The following PDZRN3 variants were observed in gnomAD, a reference collection of about 807,000 sequenced individuals.
The protein encoded by PDZRN3 is PDZ domain containing ring finger 3.
A neutral mutation model predicts 85.7 loss-of-function variants in PDZRN3; 38 were observed. That is an observed-to-expected ratio of 0.44 (90% CI 0.34 to 0.58). The LOEUF is 0.58. PDZRN3 is among the 20% of genes least tolerant of loss of function. The pLI, the probability that PDZRN3 is intolerant of heterozygous loss-of-function variation, is 0.01. For synonymous variants in PDZRN3, 759 were observed against 638.0 expected, an observed-to-expected ratio of 1.19 and a Z score of -2.86; for missense variants, 1,629 against 1,506.4, an observed-to-expected ratio of 1.08 and a Z score of -1.35.
At chr3:73,447,524 C>T (rs182322423) in intron 3 of PDZRN3, among the ~76,000 whole-genome samples, 40 of 152,284 alleles carry the variant, frequency 2.6e-4, no homozygotes, top group African/African-American at 8.9e-4. Flanking sequence ...TTGGTTTGCC[C>T]TCTGCAATCC....
intron 3 of PDZRN3, among the ~76,000 whole-genome samples, chr3:73,411,684 C>T (rs1323933336): frequency 6.6e-6 from 1 of 151,286 alleles, no homozygotes; most frequent in Admixed American, 6.6e-5. Flanking sequence ...TGCTGGGTGA[C>T]TCAGCTCCCT....
intron 3 of PDZRN3, among the ~76,000 whole-genome samples, chr3:73,494,027 A>C (rs1703824115): frequency 6.6e-6 from 1 of 152,246 alleles, no homozygotes; most frequent in South Asian, 2.1e-4. Flanking sequence ...GCTGAGTCTC[A>C]AGCTAGATAT....
intron 3 of PDZRN3, among the ~76,000 whole-genome samples, chr3:73,475,649 G>C (rs1010994074): frequency 2.6e-5 from 4 of 152,226 alleles, no homozygotes; most frequent in African/African-American, 9.6e-5. Flanking sequence ...AAAACACTCA[G>C]ATGGGTGATT....
At chr3:73,462,753 C>T (rs1703134406) in intron 3 of PDZRN3, among the ~76,000 whole-genome samples, 2 of 152,138 alleles carry the variant, frequency 1.3e-5, no homozygotes, top group South Asian at 2.1e-4. Flanking sequence ...CAACAGCCAT[C>T]GTTTAAGTGG....
At chr3:73,405,214 C>T (rs571936628) in intron 3 of PDZRN3, among the ~76,000 whole-genome samples, 29 of 152,318 alleles carry the variant, frequency 1.9e-4, no homozygotes, top group South Asian at 6.2e-4. Flanking sequence ...ACGTTGGACG[C>T]GGTGTCCAGG....
chr3:73,482,478 G>A (rs1703583780), intron 3 of PDZRN3, among the ~76,000 whole-genome samples: 1 of 152,154 alleles, frequency 6.6e-6, no homozygotes, highest in South Asian at 2.1e-4. Flanking sequence ...ATTCATCTAG[G>A]CGTCTCAGAA....
intron 3 of PDZRN3, among the ~76,000 whole-genome samples, chr3:73,480,038 A>C (rs988229333): frequency 6.6e-6 from 1 of 152,196 alleles, no homozygotes; most frequent in Admixed American, 6.5e-5. Context: ...CAATCCAATT[A>C]TGAAGAAGTT....
intron 3 of PDZRN3, among the ~76,000 whole-genome samples, chr3:73,540,102 A>C (rs993144791): frequency 1.3e-4 from 20 of 151,408 alleles, no homozygotes; most frequent in Admixed American, 1.1e-3. Context: ...AAAAAAAAAA[A>C]AAAAAAAAAC....
At chr3:73,527,893 G>T (rs992930863) in intron 3 of PDZRN3, among the ~76,000 whole-genome samples, 5 of 152,014 alleles carry the variant, frequency 3.3e-5, no homozygotes, top group Non-Finnish European at 7.4e-5. Context: ...CTATTTACTC[G>T]CATGAGGCAA....
intron 3 of PDZRN3, among the ~76,000 whole-genome samples, chr3:73,421,948 A>T (rs1702212852): frequency 6.6e-6 from 1 of 152,190 alleles, no homozygotes. Context: ...TGCCTGGTCA[A>T]GTACTTCCAT....
In PDZRN3 at chr3:73,569,576, A is replaced by G. The variant is rs974283638; in HGVS notation, c.918+32778T>C. 5 of 1,033,000 alleles carry G rather than the reference A, an allele frequency of 4.8e-6. No homozygotes were observed. The Admixed American group carries it at 2.6e-4, about 54-fold the overall frequency. The allele number at this position is 1,033,000 out of a possible 1,614,324, so 64.0% of individuals were successfully genotyped here. A position where few individuals can be genotyped will look rare whatever the true frequency, so the allele number is the denominator to read the frequency against. ...CACCCCCACACCCGCACACACATTG[A>G]CAGACACAGAGGACAGACAGCCCTG... is the stretch of plus-strand genomic sequence containing the variant. On this transcript the variant is annotated intron_variant, in intron 3 of 9. Transcript: ENST00000263666.
rs74950458 is a variant in PDZRN3, at chr3:73,477,948, A to G, written c.919-73553T>C. On this transcript the variant is annotated intron_variant, in intron 3 of 9. Coordinates refer to ENST00000263666, the MANE Select transcript of PDZRN3 (RefSeq NM_015009.3). ...GATCTTGTGAGACTTATTCATTATC[A>G]TGACAACAACATGGGGAAAACCTGC... Among the ~76,000 whole-genome samples, 339 of 152,310 alleles carry G rather than the reference A, an allele frequency of 2.2e-3. 1 individual carries two copies. Among genetic ancestry groups the G allele is most frequent in the African/African-American group, 7.7e-3 (322 of 41,572 alleles).
intron 3 of PDZRN3, among the ~76,000 whole-genome samples, chr3:73,575,261 C>T (rs1702105985): frequency 6.6e-6 from 1 of 152,048 alleles, no homozygotes; most frequent in Non-Finnish European, 1.5e-5. Flanking sequence ...TTTTGCAGTT[C>T]ACGTCGGTGC....
intron 3 of PDZRN3, among the ~76,000 whole-genome samples, chr3:73,554,685 A>G (rs961753409): frequency 2.6e-5 from 4 of 152,204 alleles, no homozygotes; most frequent in Non-Finnish European, 4.4e-5. Flanking sequence ...AAAAAAAATA[A>G]GCCAAATTCC....
intron 3 of PDZRN3, among the ~76,000 whole-genome samples, chr3:73,589,490 C>T (rs917649463): frequency 6.6e-6 from 1 of 152,064 alleles, no homozygotes; most frequent in Admixed American, 6.6e-5. Context: ...TGTCCTTTTC[C>T]CTCTGAATCA....
At chr3:73,495,550 T>C (rs1357550436) in intron 3 of PDZRN3, among the ~76,000 whole-genome samples, 1 of 152,258 alleles carries the variant, frequency 6.6e-6, no homozygotes, top group Non-Finnish European at 1.5e-5. Context: ...ATTTGTCTTA[T>C]TATTTTTAAT....
intron 3 of PDZRN3, among the ~76,000 whole-genome samples, chr3:73,522,066 T>C (rs1704380829): frequency 6.6e-6 from 1 of 152,252 alleles, no homozygotes; most frequent in Non-Finnish European, 1.5e-5. Context: ...CAAATTTCAC[T>C]GTCCATAAAT....
chr3:73,394,659 C>T (rs1410424201), intron 5 of PDZRN3, among the ~76,000 whole-genome samples: 2 of 152,116 alleles, frequency 1.3e-5, no homozygotes, highest in Non-Finnish European at 2.9e-5. Flanking sequence ...ATGGTGTGGG[C>T]TATAATATTT....
chr3:73,467,303 C>G (rs1358128479), intron 3 of PDZRN3, among the ~76,000 whole-genome samples: 1 of 152,180 alleles, frequency 6.6e-6, no homozygotes, highest in Non-Finnish European at 1.5e-5. Context: ...GGAATCTACC[C>G]AGGTGAAGGA....
Sources: allele counts gnomAD v4.1 joint callset (sites outside exome capture counted in the v4.1 genomes callset), GRCh38; gene constraint gnomAD v4.1.1; transcripts MANE v1.5; gene names NCBI Gene and HGNC (gene_info 2026-07-23, HGNC 2026-07-21).